The following PRKCE variants were observed in gnomAD, a reference collection of about 807,000 sequenced individuals.
PRKCE encodes the protein protein kinase C epsilon.
Under a neutral mutation model 85.4 loss-of-function variants are expected in PRKCE, and 16 were observed. The observed-to-expected ratio is 0.19, with a 90% confidence interval of 0.13 to 0.28. The LOEUF (loss-of-function observed/expected upper bound fraction) is 0.28. Among genes scored for constraint, PRKCE ranks in the 10% least tolerant of loss-of-function variants. PRKCE has a pLI of 1.00. For synonymous variants in PRKCE, 388 were observed against 371.5 expected (o/e 1.04, Z -0.51); for missense variants, 573 against 975.2 (o/e 0.59, Z 5.49).
intron 6 of PRKCE, among the ~76,000 whole-genome samples, chr2:45,988,479 G>A (rs1703520127): frequency 1.3e-5 from 2 of 151,762 alleles, no homozygotes; most frequent in South Asian, 2.1e-4. Context: ...GGAAAGAGTG[G>A]GTGCATGCAG....
In PRKCE at chr2:46,105,017, CT is replaced by C. The variant is rs34548067; in HGVS notation, c.1592+18667del. Among the ~76,000 whole-genome samples the C allele has an allele frequency of 1.1e-3, 157 of 144,778 alleles. 1 individual carries two copies. The highest frequency in any genetic ancestry group is 5.5e-3 in the South Asian group (24 of 4,342). 95.0% of individuals were successfully genotyped at this position (144,778 alleles called of 152,430 possible). ...AATAAATGTCCTCTGTGACATCTTCCTTTTTTTTTTTTCCCCAGAATAGAGC... is the reference window on the plus strand; with the variant it reads ...AATAAATGTCCTCTGTGACATCTTCCTTTTTTTTTTTCCCCAGAATAGAGC... On this transcript the variant is annotated intron_variant, in intron 11 of 14. Transcript: ENST00000306156.
chr2:46,023,363 A>C (rs1706842954), intron 10 of PRKCE, among the ~76,000 whole-genome samples: 1 of 152,236 alleles, frequency 6.6e-6, no homozygotes, highest in Non-Finnish European at 1.5e-5. Flanking sequence ...TAACCTGTTT[A>C]GTCATCTCAC....
intron 1 of PRKCE, among the ~76,000 whole-genome samples, chr2:45,842,540 G>A (rs149971306): frequency 1.5e-3 from 231 of 152,226 alleles, no homozygotes; most frequent in African/African-American, 5.3e-3. Context: ...ACTTACCTTG[G>A]AATTTGGGCA....
chr2:46,132,585 G>A (rs909975617), intron 11 of PRKCE, among the ~76,000 whole-genome samples: 2 of 152,072 alleles, frequency 1.3e-5, no homozygotes, highest in Non-Finnish European at 2.9e-5. Context: ...CTTCTTAACC[G>A]GCCTCATTCG....
At chr2:46,000,303 G>A (rs1199873610) in intron 6 of PRKCE, among the ~76,000 whole-genome samples, 1 of 151,592 alleles carries the variant, frequency 6.6e-6, no homozygotes, top group Non-Finnish European at 1.5e-5. Context: ...TGATTAGGGT[G>A]TTTTCATGAA....
At chr2:45,936,253 A>G (rs529709221) in intron 2 of PRKCE, among the ~76,000 whole-genome samples, 2 of 152,306 alleles carry the variant, frequency 1.3e-5, no homozygotes, top group South Asian at 4.1e-4. Context: ...TCCTGGTATC[A>G]GGTTAAGAGG....
chr2:45,877,578 T>G (rs1694573426), intron 2 of PRKCE, among the ~76,000 whole-genome samples: 1 of 152,184 alleles, frequency 6.6e-6, no homozygotes, highest in Non-Finnish European at 1.5e-5. Context: ...TTTTTAGAAG[T>G]TCTATTTGGT....
intron 2 of PRKCE, among the ~76,000 whole-genome samples, chr2:45,896,358 T>C (rs749801839): frequency 1.3e-5 from 2 of 152,210 alleles, no homozygotes; most frequent in African/African-American, 4.8e-5. Flanking sequence ...TGCACCTAGA[T>C]GAAAGTCATG....
At chr2:45,715,742 C>A (rs186487295) in intron 1 of PRKCE, among the ~76,000 whole-genome samples, 62 of 152,322 alleles carry the variant, frequency 4.1e-4, no homozygotes, top group African/African-American at 1.5e-3. Context: ...CCTCTGTCTT[C>A]TTTGCACTAC....
chr2:46,117,043 T>C (rs566066903), intron 11 of PRKCE, among the ~76,000 whole-genome samples: 1 of 152,174 alleles, frequency 6.6e-6, no homozygotes, highest in South Asian at 2.1e-4. Context: ...CAGAATCAAA[T>C]CTGATGTTTC....
At chr2:45,912,886 GC>G (rs1385918009) in intron 2 of PRKCE, among the ~76,000 whole-genome samples, 1 of 152,108 alleles carries the variant, frequency 6.6e-6, no homozygotes, top group African/African-American at 2.4e-5. Flanking sequence ...CCACGCCAGA[GC>G]CCAGAATGAA....
chr2:46,169,776 A>G (rs1405596578), intron 14 of PRKCE, among the ~76,000 whole-genome samples: 1 of 152,146 alleles, frequency 6.6e-6, no homozygotes, highest in Non-Finnish European at 1.5e-5. Flanking sequence ...GACTCAGACT[A>G]TAGGGACCTG....
In PRKCE at chr2:45,810,331, G is replaced by A. The variant is rs1012224958; in HGVS notation, c.349-32669G>A. On this transcript the variant is annotated intron_variant, in intron 1 of 14. Coordinates refer to ENST00000306156, the MANE Select transcript of PRKCE (RefSeq NM_005400.3). ...GCTGGGATTACAGGCGTGAACCACC[G>A]CGCCCAGCCAAAGGATAACTTTTTA... Among the ~76,000 whole-genome samples the A allele has an allele frequency of 5.9e-5, 9 of 152,092 alleles. No individual in the cohort carries two copies. In the East Asian group the frequency reaches 1.2e-3, roughly 20 times the overall value.
At chr2:46,020,386 C>G (rs1383042751) in intron 10 of PRKCE, among the ~76,000 whole-genome samples, 2 of 151,804 alleles carry the variant, frequency 1.3e-5, no homozygotes, top group African/African-American at 4.8e-5. Flanking sequence ...CACTACAGCT[C>G]TGACTGGGAG....
At chr2:45,880,279 T>G (rs935710607) in intron 2 of PRKCE, among the ~76,000 whole-genome samples, 10 of 152,256 alleles carry the variant, frequency 6.6e-5, no homozygotes, top group Admixed American at 6.5e-4. Context: ...ATCAGACACC[T>G]TGGTTGATTC....
chr2:45,907,670 C>T lies in PRKCE; in HGVS notation c.412+64607C>T, dbSNP rs1310229496. ...TGTCCAGGGAGAAGGAGCATGAGCC[C>T]ACATCTGCCGTGGCCACCTCTCCAA... On this transcript the variant is annotated intron_variant, in intron 2 of 14. Coordinates refer to ENST00000306156, the MANE Select transcript of PRKCE (RefSeq NM_005400.3). This position sits in a 1 kb window ranked among gnomAD's most constrained non-coding sequence, Gnocchi z 4.5. 6.6e-6 allele frequency among the ~76,000 whole-genome samples: 1 copy of T among 152,190 alleles called. No individual in the cohort carries two copies. The highest frequency in any genetic ancestry group is 2.4e-5 in the African/African-American group (1 of 41,454).
chr2:45,723,904 A>G (rs1222385767), intron 1 of PRKCE, among the ~76,000 whole-genome samples: 3 of 152,072 alleles, frequency 2.0e-5, no homozygotes, highest in Non-Finnish European at 4.4e-5. Context: ...CAACCAGCCC[A>G]ATACATGTTC....
At chr2:45,945,814 T>A (rs1212318178) in intron 2 of PRKCE, among the ~76,000 whole-genome samples, 2 of 152,208 alleles carry the variant, frequency 1.3e-5, no homozygotes, top group African/African-American at 4.8e-5. Flanking sequence ...TACAACCCCT[T>A]GACAGAAAAG....
intron 11 of PRKCE, among the ~76,000 whole-genome samples, chr2:46,121,550 G>A (rs1403247025): frequency 6.6e-6 from 1 of 152,202 alleles, no homozygotes; most frequent in Non-Finnish European, 1.5e-5. Flanking sequence ...TTATAGAGGG[G>A]CCCATAGGGA....
Sources: gnomAD v4.1 joint callset for allele counts (sites outside exome capture counted in the v4.1 genomes callset) on GRCh38, gnomAD v4.1.1 for gene constraint, Gnocchi (gnomAD v3.1) non-coding constraint, MANE v1.5 for transcripts, NCBI Gene and HGNC (gene_info 2026-07-23, HGNC 2026-07-21) for gene names.